Variants in ZNF536 observed in about 807,000 individuals in gnomAD.
The protein encoded by ZNF536 is zinc finger protein 536.
In ZNF536, 13 loss-of-function variants were observed where a neutral mutation model predicts 84.5. That is an observed-to-expected ratio of 0.15 (90% CI 0.10 to 0.24). The LOEUF is 0.24. Among genes scored for constraint, ZNF536 ranks in the 10% least tolerant of loss-of-function variants. The pLI is 1.00. For missense variants in ZNF536, 1,536 were observed against 1,747.5 expected (o/e 0.88, Z 2.16); for synonymous variants, 811 against 742.5 (o/e 1.09, Z -1.50).
rs571236566 is a variant in ZNF536, at chr19:30,542,123, A to G, written c.2324-5820A>G. Among the ~76,000 whole-genome samples the G allele has an allele frequency of 2.0e-5, 3 of 152,322 alleles. 1 individual carries two copies. The highest frequency in any genetic ancestry group is 7.2e-5 in the African/African-American group (3 of 41,568). Reference sequence around the variant, plus strand: ...AGCAAAAAAAACAAAAACAAAATAAAAAAACGAGAAGCATGAATCACATCT... The same window carrying G: ...AGCAAAAAAAACAAAAACAAAATAAGAAAACGAGAAGCATGAATCACATCT... On this transcript the variant is annotated intron_variant, in intron 3 of 4. Transcript: ENST00000355537.
intron 2 of ZNF536, among the ~76,000 whole-genome samples, chr19:30,483,977 C>A (rs1035305968): frequency 6.6e-6 from 1 of 152,054 alleles, no homozygotes; most frequent in African/African-American, 2.4e-5. Flanking sequence ...TCCCCCTCTA[C>A]CTCACCATCC....
chr19:30,591,006 G>T (rs144310076), intron 1 of ZNF536, among the ~76,000 whole-genome samples: 1 of 152,244 alleles, frequency 6.6e-6, no homozygotes, highest in Non-Finnish European at 1.5e-5. Context: ...GCCCAGATGT[G>T]TATGGTTGGG....
chr19:30,651,234 C>T (rs1317250287), intron 1 of ZNF536, among the ~76,000 whole-genome samples: 8 of 152,176 alleles, frequency 5.3e-5, no homozygotes, highest in African/African-American at 9.7e-5. Flanking sequence ...TGGACAAAGG[C>T]GAGGGAGGTG....
At chr19:30,364,136 A>G (rs983462295) in intron 3 of ZNF536, among the ~76,000 whole-genome samples, 1 of 152,176 alleles carries the variant, frequency 6.6e-6, no homozygotes, top group Non-Finnish European at 1.5e-5. Context: ...TGTGTGCCCA[A>G]TTAAGGTATT....
chr19:30,515,682 C>T (rs2145606711), intron 2 of ZNF536, among the ~76,000 whole-genome samples: 1 of 152,196 alleles, frequency 6.6e-6, no homozygotes, highest in South Asian at 2.1e-4. Context: ...TGTTCCTGGC[C>T]TTCCTCTTCT....
At chr19:30,256,148 C>G (rs1209387828) in intron 1 of ZNF536, among the ~76,000 whole-genome samples, 1 of 152,150 alleles carries the variant, frequency 6.6e-6, no homozygotes, top group African/African-American at 2.4e-5. Context: ...CCTTCTGCAG[C>G]TCACAGAATT....
intron 1 of ZNF536, among the ~76,000 whole-genome samples, chr19:30,596,690 T>C (rs2047475473): frequency 6.6e-6 from 1 of 152,136 alleles, no homozygotes. Flanking sequence ...AAAGTAGTAA[T>C]GTTCCATGGG....
chr19:30,691,388 A>G (rs1762248407), intron 1 of ZNF536, among the ~76,000 whole-genome samples: 1 of 151,678 alleles, frequency 6.6e-6, no homozygotes, highest in South Asian at 2.1e-4. Flanking sequence ...GATACTAAAA[A>G]TCAACTTGTC....
intron 1 of ZNF536, among the ~76,000 whole-genome samples, chr19:30,269,809 G>A (rs551868444): frequency 5.9e-5 from 9 of 152,074 alleles, no homozygotes; most frequent in Admixed American, 1.3e-4. Flanking sequence ...CTGTGTGTGC[G>A]GCCTTCCCAC....
intron 1 of ZNF536, among the ~76,000 whole-genome samples, chr19:30,582,426 G>C (rs1379893920): frequency 7.6e-6 from 1 of 131,214 alleles, no homozygotes; most frequent in Non-Finnish European, 1.6e-5. Flanking sequence ...CTCTCACCCA[G>C]GTGCAAATGA....
chr19:30,590,439 G>T (rs894122577), intron 1 of ZNF536, among the ~76,000 whole-genome samples: 3 of 152,204 alleles, frequency 2.0e-5, no homozygotes, highest in African/African-American at 7.2e-5. Flanking sequence ...GGCTTCCAAT[G>T]CCTTTCAGCA....
intron 1 of ZNF536, among the ~76,000 whole-genome samples, chr19:30,409,678 C>T (rs2050401633): frequency 1.3e-5 from 2 of 152,328 alleles, no homozygotes; most frequent in South Asian, 2.1e-4. Context: ...TGTCAAATTA[C>T]GTCCCCCGAC....
intron 1 of ZNF536, among the ~76,000 whole-genome samples, chr19:30,233,815 G>C (rs745636669): frequency 6.6e-6 from 1 of 152,158 alleles, no homozygotes; most frequent in Non-Finnish European, 1.5e-5. Context: ...CTCTGGAGTT[G>C]GCATGCTTAG....
intron 1 of ZNF536, among the ~76,000 whole-genome samples, chr19:30,587,054 G>A (rs377299924): frequency 3.9e-5 from 6 of 152,198 alleles, no homozygotes; most frequent in East Asian, 1.9e-4. Flanking sequence ...CAAATAACAT[G>A]ACTCTGTCCA....
At chr19:30,375,756 G>A (rs1373038400) in intron 1 of ZNF536, among the ~76,000 whole-genome samples, 1 of 152,226 alleles carries the variant, frequency 6.6e-6, no homozygotes, top group Non-Finnish European at 1.5e-5. Flanking sequence ...TGTTGTGTTC[G>A]TGTTTGCACC....
chr19:30,636,391 C>A (rs2049065750), intron 1 of ZNF536, among the ~76,000 whole-genome samples: 1 of 152,124 alleles, frequency 6.6e-6, no homozygotes, highest in Non-Finnish European at 1.5e-5. Flanking sequence ...AGCAAAGATT[C>A]CCATCCTCAT....
chr19:30,481,504 G>A (rs1286269561), intron 2 of ZNF536, among the ~76,000 whole-genome samples: 1 of 152,074 alleles, frequency 6.6e-6, no homozygotes, highest in Non-Finnish European at 1.5e-5. Flanking sequence ...CAAGTATTTT[G>A]AACCCTGGTA....
intron 2 of ZNF536, among the ~76,000 whole-genome samples, chr19:30,286,751 G>A (rs1433906793): frequency 6.6e-6 from 1 of 152,168 alleles, no homozygotes; most frequent in Non-Finnish European, 1.5e-5. Flanking sequence ...ATCTTGATAC[G>A]TGTGCACCCA....
intron 1 of ZNF536, among the ~76,000 whole-genome samples, chr19:30,599,418 C>A (rs2047596002): frequency 1.1e-5 from 1 of 87,626 alleles, no homozygotes; most frequent in Admixed American, 1.1e-4. Context: ...TCCTCTTTTC[C>A]TCCCCCGTCC....
Sources: gnomAD v4.1 joint callset for allele counts (sites outside exome capture counted in the v4.1 genomes callset) on GRCh38, gnomAD v4.1.1 for gene constraint, MANE v1.5 for transcripts, NCBI Gene and HGNC (gene_info 2026-07-23, HGNC 2026-07-21) for gene names.